MYLK: variants seen among roughly 807,000 people sequenced by gnomAD.
MYLK encodes the protein myosin light chain kinase, smooth muscle.
Under a neutral mutation model 203.4 loss-of-function variants are expected in MYLK, and 106 were observed. The observed-to-expected ratio is 0.52, with a 90% CI of 0.45 to 0.61. MYLK has a LOEUF of 0.61. MYLK is among the 20% of genes least tolerant of loss of function. MYLK has a pLI of 0.00. For missense variants in MYLK, 2,072 were observed against 2,442.3 expected, an observed-to-expected ratio of 0.85 and a Z score of 3.20; for synonymous variants, 867 against 959.5, an observed-to-expected ratio of 0.90 and a Z score of 1.78.
At chr3:123,696,950 G>T (rs1226581719) in intron 18 of MYLK, among the ~76,000 whole-genome samples, 2 of 152,226 alleles carry the variant, frequency 1.3e-5, no homozygotes, top group East Asian at 3.9e-4. Flanking sequence ...TGCTGCTGCG[G>T]GGCCCCCGCC....
In MYLK at chr3:123,701,013, C is replaced by T. The variant is rs1470377001; in HGVS notation, c.2463-8G>A. 6.2e-7 allele frequency: 1 copy of T among 1,601,704 alleles called. No homozygotes were observed. Among genetic ancestry groups the T allele is most frequent in the Non-Finnish European group, 8.5e-7 (1 of 1,179,808 alleles). On this transcript the variant is annotated splice_region_variant and splice_polypyrimidine_tract_variant and intron_variant, in intron 17 of 33. Coordinates refer to ENST00000360304, the MANE Select transcript of MYLK (RefSeq NM_053025.4). Reference sequence around the variant, plus strand: ...CTGGCAGGCTCCCTCCCCCTGCAACCAGTGTAGGGAAAAAGGAAAGTAGCA... The same window carrying T: ...CTGGCAGGCTCCCTCCCCCTGCAACTAGTGTAGGGAAAAAGGAAAGTAGCA...
At chr3:123,731,982 T>C (rs1183082835) in intron 11 of MYLK, among the ~76,000 whole-genome samples, 4 of 108,688 alleles carry the variant, frequency 3.7e-5, no homozygotes, top group African/African-American at 1.3e-4. Context: ...AAGTTTTCTA[T>C]AGGTTGTCTT....
At chr3:123,748,584 T>A (rs1208678692) in intron 5 of MYLK, among the ~76,000 whole-genome samples, 1 of 152,206 alleles carries the variant, frequency 6.6e-6, no homozygotes, top group East Asian at 1.9e-4. Flanking sequence ...ACATCCCAGA[T>A]GTTGAAGAAT....
intron 2 of MYLK, among the ~76,000 whole-genome samples, chr3:123,869,587 C>A (rs1424677278): frequency 6.6e-6 from 1 of 152,128 alleles, no homozygotes; most frequent in East Asian, 1.9e-4. Flanking sequence ...CCAGCACACC[C>A]TCTCCATATC....
At chr3:123,620,754 G>T in intron 31 of MYLK, 2 of 499,322 alleles carry the variant, frequency 4.0e-6, no homozygotes, top group Non-Finnish European at 5.4e-6. Flanking sequence ...ATTATAATTG[G>T]CCAAGAGAAT....
At position 123,692,436 on chromosome 3, in the gene MYLK, C is replaced by T. The variant is rs1291322270; in HGVS notation, c.3565+299G>A. ...TCCTGTGGGTGTGTCTTTTCTACTG[C>T]CCAGTGCCCCAGCTTCCCAGCTCAG... is the stretch of plus-strand genomic sequence containing the variant. On this transcript the variant is annotated intron_variant, in intron 19 of 33. Coordinates refer to ENST00000360304, the MANE Select transcript of MYLK (RefSeq NM_053025.4). 4 of 1,217,120 alleles carry T rather than the reference C, an allele frequency of 3.3e-6. No homozygotes were observed. In the African/African-American group the frequency reaches 6.2e-5, roughly 19 times the overall value. 75.4% of individuals were successfully genotyped at this position (1,217,120 alleles called of 1,614,324 possible).
intron 2 of MYLK, among the ~76,000 whole-genome samples, chr3:123,845,411 AG>A (rs1190876317): frequency 1.3e-5 from 2 of 152,198 alleles, no homozygotes. Flanking sequence ...ACATGTCAGG[AG>A]TCCATCCACC....
At chr3:123,871,561 T>C (rs940617508) in intron 2 of MYLK, among the ~76,000 whole-genome samples, 1 of 152,192 alleles carries the variant, frequency 6.6e-6, no homozygotes, top group Non-Finnish European at 1.5e-5. Context: ...ATATTCTGTC[T>C]TTTAGATTAA....
intron 4 of MYLK, among the ~76,000 whole-genome samples, chr3:123,763,376 T>C (rs775717199): frequency 6.6e-6 from 1 of 152,208 alleles, no homozygotes; most frequent in Non-Finnish European, 1.5e-5. Context: ...TCCTGGGACA[T>C]TCCCTCACCA....
In MYLK at chr3:123,881,923, C is replaced by A. The variant is rs73857542; in HGVS notation, c.-186+2283G>T. On this transcript the variant is annotated intron_variant, in intron 1 of 33. Transcript: ENST00000360304. ...TCTGACAAGCCTTCTCAGCAGATTA[C>A]CCCCGCCACCTGCCAGCCAGGAGCC... is the stretch of plus-strand genomic sequence containing the variant. Among the ~76,000 whole-genome samples, 380 of 152,304 alleles carry A rather than the reference C, an allele frequency of 2.5e-3. 2 individuals carry two copies. Among genetic ancestry groups the A allele is most frequent in the African/African-American group, 8.7e-3 (362 of 41,558 alleles).
intron 20 of MYLK, among the ~76,000 whole-genome samples, chr3:123,673,955 G>C (rs1049495760): frequency 6.6e-6 from 1 of 152,088 alleles, no homozygotes; most frequent in East Asian, 1.9e-4. Context: ...CATCCTTCCT[G>C]GTAGAGCACT....
At chr3:123,752,280 G>T (rs767628227) in intron 5 of MYLK, 51 bp downstream of exon 5, 2 of 1,583,286 alleles carry the variant, frequency 1.3e-6, no homozygotes, top group South Asian at 1.1e-5. Context: ...GCAGGCCTTG[G>T]GGTAACTGAG....
chr3:123,685,611 T>TAAAA (rs2060423339), intron 19 of MYLK, among the ~76,000 whole-genome samples: 1 of 10,102 alleles, frequency 9.9e-5, no homozygotes, highest in Non-Finnish European at 2.9e-4. Flanking sequence ...CTCCAAAAAA[T>TAAAA]GAAAAAAAAA....
At chr3:123,772,540 G>A (rs112327042) in intron 4 of MYLK, among the ~76,000 whole-genome samples, 2,770 of 152,118 alleles carry the variant, frequency 0.018, 37 homozygotes, top group Middle Eastern at 0.027. Context: ...ATAGTGGAAA[G>A]CATAAAGATA....
At chr3:123,823,496 C>T (rs901689180) in intron 3 of MYLK, among the ~76,000 whole-genome samples, 16 of 152,184 alleles carry the variant, frequency 1.1e-4, no homozygotes, top group Non-Finnish European at 2.2e-4. Flanking sequence ...TCTCCCTCCA[C>T]TTCCAATCCA....
In MYLK at chr3:123,811,614, T is replaced by G. The variant is rs2065564204; in HGVS notation, c.-3-17770A>C. 2.6e-5 allele frequency among the ~76,000 whole-genome samples: 4 copies of G among 152,202 alleles called. No homozygotes were observed. In the South Asian group the frequency reaches 8.3e-4, roughly 32 times the overall value. On this transcript the variant is annotated intron_variant, in intron 3 of 33. Coordinates refer to ENST00000360304, the MANE Select transcript of MYLK (RefSeq NM_053025.4). ...TAAACAAAGGCAGCAGTTCATTTTT[T>G]TTAGCATTCAGCCTGGAGTGCCTAG...
At chr3:123,709,977 CTG>C (rs2108653175) in intron 13 of MYLK, 84 bp from the exon 14 acceptor site, 2 of 1,568,564 alleles carry the variant, frequency 1.3e-6, no homozygotes, top group East Asian at 4.5e-5. Context: ...TGGTACATGA[CTG>C]TGTTGATGCT....
intron 4 of MYLK, among the ~76,000 whole-genome samples, chr3:123,757,333 G>A (rs2063388090): frequency 6.6e-6 from 1 of 152,190 alleles, no homozygotes. Context: ...CTCCAAGCTT[G>A]GTGAGTAGCA....
chr3:123,666,341 G>C lies in MYLK; in HGVS notation c.3709C>G (p.Pro1237Ala), dbSNP rs1576480766. ...TCAGGGAACTGGATGATCTGAGGGG[G>C]CATTGCTGAGGGAGGACAGGGAGAA... ...APKTPPKAAMPPQIIQFPEDQ... is the reference protein window; with the variant it reads ...APKTPPKAAMAPQIIQFPEDQ... Residue 1237 changes from proline to alanine, a missense_variant, in exon 22 of 34, where the codon CCC (proline) becomes GCC (alanine). Coordinates refer to ENST00000360304, the MANE Select transcript of MYLK (RefSeq NM_053025.4). The C allele has an allele frequency of 6.2e-7, 1 of 1,614,188 alleles. No homozygotes were observed. Among genetic ancestry groups the C allele is most frequent in the Non-Finnish European group, 8.5e-7 (1 of 1,180,048 alleles).
Sources: allele counts gnomAD v4.1 joint callset (sites outside exome capture counted in the v4.1 genomes callset), GRCh38; gene constraint gnomAD v4.1.1; transcripts MANE v1.5; gene names NCBI Gene and HGNC (gene_info 2026-07-23, HGNC 2026-07-21).